TFCP2: variants seen among roughly 807,000 people sequenced by gnomAD.
TFCP2 encodes the protein transcription factor CP2.
TFCP2 carries 33 observed loss-of-function variants against 73.4 expected under a neutral mutation model. The observed-to-expected ratio is 0.45, with a 90% CI of 0.34 to 0.60. The LOEUF (loss-of-function observed/expected upper bound fraction) is 0.60. TFCP2 is among the 20% of genes least tolerant of loss of function. The pLI is 0.01. For missense variants in TFCP2, 352 were observed against 604.0 expected, an observed-to-expected ratio of 0.58 and a Z score of 4.37; for synonymous variants, 193 against 211.6, an observed-to-expected ratio of 0.91 and a Z score of 0.76.
Position 51,106,511 on chromosome 12 carries a change from T to C in TFCP2, c.917+14A>G. The C allele has an allele frequency of 6.3e-7, 1 of 1,597,020 alleles. No homozygotes were observed. Among genetic ancestry groups the C allele is most frequent in the Non-Finnish European group, 8.5e-7 (1 of 1,171,630 alleles). On this transcript the variant is annotated intron_variant, in intron 8 of 14. Coordinates refer to ENST00000257915, the MANE Select transcript of TFCP2 (RefSeq NM_005653.5). The stretch of plus-strand genomic sequence containing the variant: ...TTTGGACAAATATAAGCCAATTTTA[T>C]TTCCCAGACTTACCCTTCCCCAAGA...
Position 51,116,390 on chromosome 12 carries a change from T to C in TFCP2, c.382A>G (p.Arg128Gly), listed in dbSNP as rs1436336859. The C allele has an allele frequency of 6.2e-7, 1 of 1,603,524 alleles. No homozygotes were observed. ...TGCTGATGCTCAGTGTACTGAAGCC[T>C]TCTGTCATGGAACACCACACGGAAT... ...SIFRVVFHDR[R>G]LQYTEHQQLE... The change falls in exon 4 of 15, where the codon AGG becomes GGG. Residue 128 changes from arginine to glycine, a missense_variant. Transcript: ENST00000257915.
Position 51,110,879 on chromosome 12 carries a change from G to A in TFCP2, c.562C>T (p.Gln188Ter), listed in dbSNP as rs762470631. 6.2e-7 allele frequency: 1 copy of A among 1,609,884 alleles called. No homozygotes were observed. The highest frequency in any genetic ancestry group is 8.5e-7 in the Non-Finnish European group (1 of 1,176,288). The change falls in exon 5 of 15, where the codon CAG (glutamine) becomes TAG (stop). Residue 188 changes from glutamine to a stop codon, truncating the protein, a stop_gained and splice_region_variant. Transcript: ENST00000257915. LOFTEE classifies it high-confidence loss of function. ...GAACCCTATCTGCAACGCCTTACCT[G>A]AATAAACACAGATGTCCTCTTTGCA... ...DPAKRTSVFIQVHCISTEFTM... is the reference protein window; with the variant it reads ...DPAKRTSVFI
rs747021648 is a variant in TFCP2 at position 51,096,043 on chromosome 12, G to A, written c.1420-3C>T. Reference sequence around the variant, plus strand: ...TCTTCCTGAAAGTTCTGTATCATCTGAAAAATGCAAGAAAATTTGTGATTA... The same window carrying A: ...TCTTCCTGAAAGTTCTGTATCATCTAAAAAATGCAAGAAAATTTGTGATTA... On this transcript the variant is annotated splice_region_variant and splice_polypyrimidine_tract_variant and intron_variant, in intron 13 of 14. Coordinates refer to ENST00000257915, the MANE Select transcript of TFCP2 (RefSeq NM_005653.5). The A allele has an allele frequency of 1.2e-6, 2 of 1,612,244 alleles. No homozygotes were observed. The highest frequency in any genetic ancestry group is 2.2e-5 in the South Asian group (2 of 90,978).
chr12:51,120,965 T>C (rs1395557995), intron 1 of TFCP2, among the ~76,000 whole-genome samples: 1 of 149,468 alleles, frequency 6.7e-6, no homozygotes, highest in South Asian at 2.1e-4. Flanking sequence ...AGCAAGGTGA[T>C]GAGTACAAGA....
intron 1 of TFCP2, among the ~76,000 whole-genome samples, chr12:51,121,160 C>T (rs1319834349): frequency 1.3e-5 from 2 of 150,124 alleles, no homozygotes; most frequent in African/African-American, 2.4e-5. Context: ...ATGGCTCATG[C>T]CTGTAATCCC....
chr12:51,112,330 C>G (rs780693764), intron 4 of TFCP2, among the ~76,000 whole-genome samples: 1 of 152,136 alleles, frequency 6.6e-6, no homozygotes, highest in Non-Finnish European at 1.5e-5. Context: ...TATCCTCCTT[C>G]TAGCTTAAAA....
chr12:51,169,438 T>C (rs1209103312), intron 1 of TFCP2, among the ~76,000 whole-genome samples: 1 of 150,962 alleles, frequency 6.6e-6, no homozygotes, highest in Admixed American at 6.6e-5. Flanking sequence ...GAGACAGAGG[T>C]TGCAGTGAGC....
At chr12:51,169,546 A>C (rs1464355244) in intron 1 of TFCP2, among the ~76,000 whole-genome samples, 1 of 151,786 alleles carries the variant, frequency 6.6e-6, no homozygotes, top group Admixed American at 6.6e-5. Context: ...AGTACCTAAC[A>C]CATGAAAAAA....
Position 51,095,015 on chromosome 12 carries a change from T to C in TFCP2, c.*226A>G. On this transcript the variant is annotated 3_prime_UTR_variant, in exon 15 of 15. Coordinates refer to ENST00000257915, the MANE Select transcript of TFCP2 (RefSeq NM_005653.5). ...CAACAACAAGGTCCAGAAATTTAAC[T>C]AAAACAGCTGCAGAACTGCATATTG... 3 of 571,652 alleles carry C rather than the reference T, an allele frequency of 5.2e-6. No homozygotes were observed. The South Asian group carries it at 7.5e-5, about 14-fold the overall frequency. The allele number at this position is 571,652 out of a possible 1,614,324, so 35.4% of individuals were successfully genotyped here.
At chr12:51,166,042 T>C (rs1941751918) in intron 1 of TFCP2, among the ~76,000 whole-genome samples, 2 of 149,214 alleles carry the variant, frequency 1.3e-5, no homozygotes, top group Non-Finnish European at 3.0e-5. Context: ...TGGCCAGGCA[T>C]GGTGGCTCAC....
intron 4 of TFCP2, among the ~76,000 whole-genome samples, chr12:51,115,587 T>C (rs1485516492): frequency 6.6e-6 from 1 of 152,206 alleles, no homozygotes; most frequent in East Asian, 1.9e-4. Flanking sequence ...CTCAAACACA[T>C]ATTTGTACAT....
chr12:51,143,934 G>T (rs914242626), intron 1 of TFCP2, among the ~76,000 whole-genome samples: 1 of 152,138 alleles, frequency 6.6e-6, no homozygotes, highest in Non-Finnish European at 1.5e-5. Context: ...AGATTGAAAG[G>T]CTGGATACAT....
intron 11 of TFCP2, among the ~76,000 whole-genome samples, 165 bp from the exon 12 acceptor site, chr12:51,099,944 T>C (rs1033330996): frequency 6.6e-6 from 1 of 152,134 alleles, no homozygotes; most frequent in African/African-American, 2.4e-5. Context: ...TCCCCAGTAG[T>C]AGGGTTTTTT....
chr12:51,125,946 A>G (rs537371976), intron 1 of TFCP2, among the ~76,000 whole-genome samples: 1 of 152,244 alleles, frequency 6.6e-6, no homozygotes, highest in South Asian at 2.1e-4. Flanking sequence ...AAATGCAAAA[A>G]TTGGCCAGGC....
At chr12:51,107,402 A>G in intron 6 of TFCP2, 56 bp from the exon 7 acceptor site, 2 of 1,465,186 alleles carry the variant, frequency 1.4e-6, no homozygotes, top group East Asian at 4.5e-5. Flanking sequence ...AACCCAAAAT[A>G]TTGCTTCCAA....
intron 1 of TFCP2, among the ~76,000 whole-genome samples, chr12:51,171,987 T>C (rs1333921858): frequency 6.6e-6 from 1 of 152,124 alleles, no homozygotes; most frequent in Non-Finnish European, 1.5e-5. Flanking sequence ...AACGTCAGAC[T>C]TACCCACACA....
chr12:51,145,611 C>T (rs1190063879), intron 1 of TFCP2, among the ~76,000 whole-genome samples: 1 of 132,610 alleles, frequency 7.5e-6, no homozygotes, highest in African/African-American at 2.8e-5. Flanking sequence ...TTAGACAAGA[C>T]TCAAAAATCA....
intron 1 of TFCP2, among the ~76,000 whole-genome samples, chr12:51,168,672 A>C (rs947624336): frequency 6.6e-6 from 1 of 152,070 alleles, no homozygotes; most frequent in African/African-American, 2.4e-5. Flanking sequence ...TTTAGTAGAG[A>C]GAGGGTCTCC....
chr12:51,097,032 C>A (rs575399873), intron 13 of TFCP2, among the ~76,000 whole-genome samples: 5 of 151,448 alleles, frequency 3.3e-5, no homozygotes, highest in African/African-American at 1.2e-4. Context: ...GCCCCCATCT[C>A]GGCTCACGCA....
Sources: gnomAD v4.1 joint callset for allele counts (sites outside exome capture counted in the v4.1 genomes callset) on GRCh38, gnomAD v4.1.1 for gene constraint, MANE v1.5 for transcripts, NCBI Gene and HGNC (gene_info 2026-07-23, HGNC 2026-07-21) for gene names.